Variants in ATPSCKMT observed in about 807,000 individuals in gnomAD.
ATPSCKMT encodes ATP synthase c subunit lysine N-methyltransferase, also known as ATP synthase subunit C lysine N-methyltransferase.
ATPSCKMT carries 24 observed loss-of-function variants against 24.3 expected under a neutral mutation model. The ratio of observed to expected loss-of-function variants is 0.99; its 90% CI spans 0.71 to 1.39. ATPSCKMT has a LOEUF of 1.39. ATPSCKMT is among the 40% of genes most tolerant of loss of function. The probability of loss-of-function intolerance (pLI) is 0.00; values close to 1 mark genes in which losing one functional copy is unlikely to be tolerated. For missense variants in ATPSCKMT, 311 were observed against 298.4 expected, an observed-to-expected ratio of 1.04 and a Z score of -0.31; for synonymous variants, 95 against 110.5, an observed-to-expected ratio of 0.86 and a Z score of 0.88.
intron 4 of ATPSCKMT, 141 bp from the exon 5 acceptor site, chr5:10,227,788 A>G: frequency 1.5e-6 from 1 of 682,796 alleles, no homozygotes; most frequent in South Asian, 1.8e-5. Context: ...ACACAAACAC[A>G]TAAACAAACA....
At chr5:10,237,154 G>T in intron 2 of ATPSCKMT, 1 of 665,366 alleles carries the variant, frequency 1.5e-6, no homozygotes, top group Non-Finnish European at 2.3e-6. Context: ...AACGTCAACT[G>T]TGGAATCCCA....
Position 10,227,618 on chromosome 5 carries a change from A to C in ATPSCKMT, c.525T>G (p.Arg175=). 3.1e-6 allele frequency: 5 copies of C among 1,614,206 alleles called. No individual in the cohort carries two copies. Among genetic ancestry groups the C allele is most frequent in the Non-Finnish European group, 4.2e-6 (5 of 1,180,042 alleles). The stretch of plus-strand genomic sequence containing the variant: ...TAACTCGTGCATCATCCTCAAGTTC[A>C]CGTTCAAGTTTCTTCTCCAACTGCA... The part of the protein sequence containing the change: ...MMLQLEKKLE[R]ELEDDARVIA... The change falls in exon 5 of 5, where the codon CGT becomes CGG. Residue 175 remains arginine (R), a synonymous_variant. Coordinates refer to ENST00000511437, the MANE Select transcript of ATPSCKMT (RefSeq NM_199133.4).
At chr5:10,233,471 T>C (rs1178177229) in intron 4 of ATPSCKMT, among the ~76,000 whole-genome samples, 1 of 152,212 alleles carries the variant, frequency 6.6e-6, no homozygotes, top group Non-Finnish European at 1.5e-5. Context: ...TCCTTGGGAA[T>C]AGTGAAATGG....
intron 3 of ATPSCKMT, 122 bp from the exon 4 acceptor site, chr5:10,235,383 C>T: frequency 1.3e-6 from 1 of 753,498 alleles, no homozygotes; most frequent in East Asian, 2.7e-5. Context: ...TTGATGAACT[C>T]CTAAGAACAG....
chr5:10,248,151 A>G (rs1424593864), intron 1 of ATPSCKMT, among the ~76,000 whole-genome samples: 1 of 152,230 alleles, frequency 6.6e-6, no homozygotes, highest in Non-Finnish European at 1.5e-5. Flanking sequence ...TTGTATGTGC[A>G]TACCTGTTTA....
chr5:10,229,825 C>T (rs1456126520), intron 4 of ATPSCKMT, among the ~76,000 whole-genome samples: 5 of 152,212 alleles, frequency 3.3e-5, no homozygotes, highest in African/African-American at 4.8e-5. Context: ...TTCGAATGCT[C>T]GAATTCTCCT....
chr5:10,240,767 G>A (rs375470642), intron 1 of ATPSCKMT, among the ~76,000 whole-genome samples: 53 of 152,188 alleles, frequency 3.5e-4, no homozygotes, highest in African/African-American at 9.9e-4. Context: ...AGGCCACGGC[G>A]GGCAGATCAC....
intron 1 of ATPSCKMT, among the ~76,000 whole-genome samples, chr5:10,244,819 G>C (rs2126464479): frequency 6.6e-6 from 1 of 151,048 alleles, no homozygotes; most frequent in South Asian, 2.1e-4. Flanking sequence ...GAAGCAGGAG[G>C]ATCGCTTAGG....
Position 10,245,369 on chromosome 5 carries a change from G to A in ATPSCKMT, c.16+4489C>T, listed in dbSNP as rs1011568051. On this transcript the variant is annotated intron_variant, in intron 1 of 4. Transcript: ENST00000511437. ...TGGAAGGCGGAGTTTGCAGTGATCC[G>A]AGACCGCGCCACTGCACTCCAGCCT... is the stretch of plus-strand genomic sequence containing the variant. 7.2e-5 allele frequency among the ~76,000 whole-genome samples: 11 copies of A among 152,130 alleles called. No individual in the cohort carries two copies. The East Asian group carries it at 7.7e-4, about 11-fold the overall frequency.
chr5:10,248,958 A>G (rs1579438675), intron 1 of ATPSCKMT, among the ~76,000 whole-genome samples: 1 of 152,290 alleles, frequency 6.6e-6, no homozygotes, highest in African/African-American at 2.4e-5. Flanking sequence ...GATCTTTCTG[A>G]GGCAGCATAA....
intron 1 of ATPSCKMT, among the ~76,000 whole-genome samples, chr5:10,247,516 A>G (rs993123374): frequency 6.6e-6 from 1 of 151,812 alleles, no homozygotes; most frequent in African/African-American, 2.4e-5. Flanking sequence ...AATTTTTTAA[A>G]TTTTTTTCTT....
chr5:10,245,768 G>T (rs4702683), intron 1 of ATPSCKMT, among the ~76,000 whole-genome samples: 4 of 150,702 alleles, frequency 2.7e-5, no homozygotes, highest in African/African-American at 4.9e-5. Context: ...AAAAGATTTT[G>T]CAATAATACT....
At chr5:10,231,511 C>T (rs1744136094) in intron 4 of ATPSCKMT, among the ~76,000 whole-genome samples, 2 of 152,002 alleles carry the variant, frequency 1.3e-5, no homozygotes, top group African/African-American at 4.8e-5. Flanking sequence ...TCCCCACGCA[C>T]ACTCATGCCA....
chr5:10,246,084 CCTCT>C (rs1446785233), intron 1 of ATPSCKMT, among the ~76,000 whole-genome samples: 1 of 152,084 alleles, frequency 6.6e-6, no homozygotes, highest in African/African-American at 2.4e-5. Flanking sequence ...CCGCATCCAC[CCTCT>C]ATCCCCCAGC....
intron 4 of ATPSCKMT, among the ~76,000 whole-genome samples, chr5:10,232,555 T>G (rs541452898): frequency 6.6e-6 from 1 of 152,348 alleles, no homozygotes; most frequent in Admixed American, 6.5e-5. Flanking sequence ...CTCGCCTCAT[T>G]GTCATCAAGG....
rs2126412870 is a variant in ATPSCKMT, at chr5:10,227,413, T to C, written c.*28A>G. On this transcript the variant is annotated 3_prime_UTR_variant, in exon 5 of 5. Coordinates refer to ENST00000511437, the MANE Select transcript of ATPSCKMT (RefSeq NM_199133.4). ...TCTACAAGATCAGGGAAGACTACAA[T>C]ATTTCAGAAAAACACTCCCAGTCAA... 3 of 1,609,302 alleles carry C rather than the reference T, an allele frequency of 1.9e-6. No individual in the cohort carries two copies. Among genetic ancestry groups the C allele is most frequent in the Non-Finnish European group, 2.5e-6 (3 of 1,177,198 alleles).
chr5:10,231,836 A>C (rs1336881293), intron 4 of ATPSCKMT, among the ~76,000 whole-genome samples: 1 of 152,182 alleles, frequency 6.6e-6, no homozygotes, highest in Non-Finnish European at 1.5e-5. Context: ...GAATGAAGGA[A>C]AGAAGGAAGA....
In ATPSCKMT at chr5:10,225,807, T is replaced by C. The variant is rs561158524; in HGVS notation, c.*1634A>G. Among the ~76,000 whole-genome samples, 16 of 152,234 alleles carry C rather than the reference T, an allele frequency of 1.1e-4. No homozygotes were observed. The highest frequency in any genetic ancestry group is 8.3e-4 in the South Asian group (4 of 4,812). On this transcript the variant is annotated 3_prime_UTR_variant, in exon 5 of 5. Transcript: ENST00000511437. Reference sequence around the variant, plus strand: ...CCACCAGGAACACTTCTAGAAAATGTTGAACACCTCCGAGGCCCCACAGAA... The same window carrying C: ...CCACCAGGAACACTTCTAGAAAATGCTGAACACCTCCGAGGCCCCACAGAA...
intron 1 of ATPSCKMT, chr5:10,248,472 G>GAAAA (rs1745059538): frequency 1.3e-5 from 2 of 152,352 alleles, no homozygotes; most frequent in Non-Finnish European, 2.9e-5. Flanking sequence ...AAATGTCCTT[G>GAAAA]AAGAACACTT....
Sources: allele counts gnomAD v4.1 joint callset (sites outside exome capture counted in the v4.1 genomes callset), GRCh38; gene constraint gnomAD v4.1.1; transcripts MANE v1.5; gene names NCBI Gene and HGNC (gene_info 2026-07-23, HGNC 2026-07-21).